The following EIF4G2 variants were observed in gnomAD, a reference collection of about 807,000 sequenced individuals.
The protein encoded by EIF4G2 is DAP-5.
In EIF4G2, 8 loss-of-function variants were observed where a neutral mutation model predicts 117.7. The ratio of observed to expected loss-of-function variants is 0.07; its 90% CI spans 0.04 to 0.12. EIF4G2 has a LOEUF of 0.12. EIF4G2 is among the 10% of genes least tolerant of loss of function. The pLI is 1.00. For missense variants in EIF4G2, 812 were observed against 1,086.2 expected, an observed-to-expected ratio of 0.75 and a Z score of 3.55; for synonymous variants, 413 against 367.8, an observed-to-expected ratio of 1.12 and a Z score of -1.41.
In EIF4G2 at chr11:10,802,279, T is replaced by G. The variant is rs1847444956; in HGVS notation, c.1138+15A>C. 1.9e-6 allele frequency: 3 copies of G among 1,611,224 alleles called. No homozygotes were observed. Among genetic ancestry groups the G allele is most frequent in the African/African-American group, 2.7e-5 (2 of 74,726 alleles). ...ATTTTTCAGCTTAACGCAACCATTG[T>G]TTTTTCAAAATTACCTGGCATTTGT... On this transcript the variant is annotated intron_variant, in intron 12 of 21. Coordinates refer to ENST00000339995, the MANE Select transcript of EIF4G2 (RefSeq NM_001418.4).
rs1258630610 is a variant in EIF4G2 at position 10,804,022 on chromosome 11, G to A, written c.579C>T (p.Leu193=). The A allele has an allele frequency of 1.2e-6, 2 of 1,613,884 alleles. No individual in the cohort carries two copies. Among genetic ancestry groups the A allele is most frequent in the Non-Finnish European group, 1.7e-6 (2 of 1,180,006 alleles). The stretch of plus-strand genomic sequence containing the variant: ...TGGCTCTCTGTTCCTCCTCCTCGGG[G>A]AGGAGGGGATTTTCACGCTTATCAT... Residue 193 remains leucine, a synonymous_variant, in exon 8 of 22, where the codon CTC becomes CTT. Coordinates refer to ENST00000339995, the MANE Select transcript of EIF4G2 (RefSeq NM_001418.4).
chr11:10,801,190 C>G, intron 14 of EIF4G2, 103 bp from the exon 15 acceptor site: 1 of 1,491,812 alleles, frequency 6.7e-7, no homozygotes. Context: ...TCTAGGGAAA[C>G]ATTAAGCTTT....
At chr11:10,805,365 T>TGCTA (rs1847535464) in intron 4 of EIF4G2, among the ~76,000 whole-genome samples, 1 of 152,144 alleles carries the variant, frequency 6.6e-6, no homozygotes, top group East Asian at 1.9e-4. Context: ...TCAAGGGAAA[T>TGCTA]GCTAGCATGA....
intron 21 of EIF4G2, 137 bp from the exon 22 acceptor site, chr11:10,798,018 G>C: frequency 1.4e-6 from 1 of 737,396 alleles, no homozygotes; most frequent in South Asian, 1.7e-5. Context: ...TTAAGTTAAC[G>C]AACAGTGGTA....
In EIF4G2 at chr11:10,797,908, A is replaced by G; in HGVS notation, c.2659-27T>C. 4 of 1,604,704 alleles carry G rather than the reference A, an allele frequency of 2.5e-6. No individual in the cohort carries two copies. The highest frequency in any genetic ancestry group is 3.4e-6 in the Non-Finnish European group (4 of 1,173,372). ...TATAAATTAAGATTTGTAAATTAAAATAGTTCATGATATAAACAGAAATCC... is the reference window on the plus strand; with the variant it reads ...TATAAATTAAGATTTGTAAATTAAAGTAGTTCATGATATAAACAGAAATCC... On this transcript the variant is annotated intron_variant, in intron 21 of 21. Coordinates refer to ENST00000339995, the MANE Select transcript of EIF4G2 (RefSeq NM_001418.4). This position sits in a 1 kb window ranked among gnomAD's most constrained non-coding sequence, Gnocchi z 4.5.
rs761121514 is a variant in EIF4G2 at position 10,798,818 on chromosome 11, T to C, written c.2658+174A>G. ...CTTATACACCACTAGAATTGATTCATTGTGTAGCTTTACTTAATAATAGCT... is the reference window on the plus strand; with the variant it reads ...CTTATACACCACTAGAATTGATTCACTGTGTAGCTTTACTTAATAATAGCT... On this transcript the variant is annotated intron_variant, in intron 21 of 21. Transcript: ENST00000339995. The C allele has an allele frequency of 1.3e-5, 10 of 779,248 alleles. No homozygotes were observed. The African/African-American group carries it at 1.7e-4, about 13-fold the overall frequency. 48.3% of individuals were successfully genotyped at this position (779,248 alleles called of 1,614,324 possible).
intron 3 of EIF4G2, 146 bp downstream of exon 3, chr11:10,806,674 G>T (rs1250545279): frequency 3.8e-6 from 3 of 785,370 alleles, no homozygotes; most frequent in Non-Finnish European, 6.1e-6. Flanking sequence ...ATCAGGAACT[G>T]ATATTCTGTA....
At chr11:10,806,557 T>C (rs545266019) in intron 3 of EIF4G2, 464 of 461,450 alleles carry the variant, frequency 1.0e-3, no homozygotes, top group Non-Finnish European at 1.6e-3. Context: ...GTAGGAATAA[T>C]AGCTACTGAT....
chr11:10,804,275 A>G lies in EIF4G2; in HGVS notation c.483+12T>C, dbSNP rs1847500158. 1 of 1,613,060 alleles carries G rather than the reference A, an allele frequency of 6.2e-7. No individual in the cohort carries two copies. The highest frequency in any genetic ancestry group is 1.3e-5 in the African/African-American group (1 of 74,840). On this transcript the variant is annotated intron_variant, in intron 6 of 21. Coordinates refer to ENST00000339995, the MANE Select transcript of EIF4G2 (RefSeq NM_001418.4). The stretch of plus-strand genomic sequence containing the variant: ...TCAACTTTAAAACAAGCAAACAAAA[A>G]CTACCACTTACGGTGCTTTGCTTCT...
At chr11:10,799,884 C>A (rs750673067) in intron 18 of EIF4G2, 128 bp from the exon 19 acceptor site, 105 of 1,248,784 alleles carry the variant, frequency 8.4e-5, no homozygotes, top group Non-Finnish European at 1.1e-4. Context: ...GAGAACCAAC[C>A]CAGCAAATGA....
At chr11:10,805,452 G>C (rs1847539640) in intron 4 of EIF4G2, among the ~76,000 whole-genome samples, 1 of 127,266 alleles carries the variant, frequency 7.9e-6, no homozygotes, top group Non-Finnish European at 1.8e-5. Flanking sequence ...TTCAGTTCAA[G>C]ATACATTTTT....
intron 14 of EIF4G2, 183 bp from the exon 15 acceptor site, chr11:10,801,270 C>T (rs1847408246): frequency 1.4e-6 from 1 of 691,078 alleles, no homozygotes; most frequent in South Asian, 1.9e-5. Context: ...AGATCTGATG[C>T]ATACAGTAGT....
intron 14 of EIF4G2, 118 bp from the exon 15 acceptor site, chr11:10,801,205 A>C (rs911087047): frequency 2.1e-4 from 297 of 1,423,844 alleles, no homozygotes; most frequent in Admixed American, 3.8e-4. Context: ...AGCTTTTTGA[A>C]AAACTAAAGA....
intron 1 of EIF4G2, chr11:10,808,287 G>C: frequency 2.5e-6 from 3 of 1,216,918 alleles, no homozygotes; most frequent in Non-Finnish European, 3.1e-6. Context: ...CTCCCCGCCG[G>C]GAGGCCAGGC....
Position 10,802,128 on chromosome 11 carries a change from A to T in EIF4G2, c.1220T>A (p.Phe407Tyr). 7.3e-7 allele frequency: 1 copy of T among 1,373,854 alleles called. No individual in the cohort carries two copies. The highest frequency in any genetic ancestry group is 9.5e-7 in the Non-Finnish European group (1 of 1,048,208). The allele number at this position is 1,373,854 out of a possible 1,614,324, so 85.1% of individuals were successfully genotyped here. A position where few individuals can be genotyped will look rare whatever the true frequency, so the allele number is the denominator to read the frequency against. ...CATGATGTGTCCCCCATGGCCATTG[A>T]AGAGTTGATTTGAACGATGACGTCC... Residue 407 changes from phenylalanine to tyrosine, a missense_variant, in exon 13 of 22, where the codon TTC (phenylalanine) becomes TAC (tyrosine). Physicochemically the swap from Phe to Tyr is conservative, Grantham distance 22. Transcript: ENST00000339995.
chr11:10,798,087 C>T (rs946574951), intron 21 of EIF4G2, among the ~76,000 whole-genome samples: 2 of 152,302 alleles, frequency 1.3e-5, no homozygotes, highest in African/African-American at 2.4e-5. Context: ...GGATGATCCT[C>T]GTGAATCTTG....
chr11:10,807,578 A>G (rs1847616972), intron 1 of EIF4G2, 197 bp from the exon 2 acceptor site: 38 of 1,235,888 alleles, frequency 3.1e-5, no homozygotes, highest in Non-Finnish European at 3.6e-5. Flanking sequence ...CAAGGATGCA[A>G]AGAGACTTCG....
rs2135412830 is a variant in EIF4G2 at position 10,802,397 on chromosome 11, C to G, written c.1035G>C (p.Gly345=). 1.2e-6 allele frequency: 2 copies of G among 1,612,866 alleles called. No individual in the cohort carries two copies. The highest frequency in any genetic ancestry group is 1.1e-5 in the South Asian group (1 of 90,830). The change falls in exon 12 of 22, where the codon GGG becomes GGC. Residue 345 remains glycine, a synonymous_variant. Transcript: ENST00000339995. ...CCTCCAGAAAGAAGTCACTTCTCAT[C>G]CCTTGAGCCATAGGAGCAGGAATAA...
intron 2 of EIF4G2, 111 bp downstream of exon 2, chr11:10,807,144 G>C (rs1005791860): frequency 6.8e-7 from 1 of 1,462,024 alleles, no homozygotes; most frequent in Non-Finnish European, 9.2e-7. Flanking sequence ...GAAAACTTAA[G>C]AACTTTTCAA....
Sources: gnomAD v4.1 joint callset for allele counts (sites outside exome capture counted in the v4.1 genomes callset) on GRCh38, gnomAD v4.1.1 for gene constraint, Gnocchi (gnomAD v3.1) non-coding constraint, MANE v1.5 for transcripts, NCBI Gene and HGNC (gene_info 2026-07-23, HGNC 2026-07-21) for gene names.